IFT88: variants seen among roughly 807,000 people sequenced by gnomAD.
IFT88 encodes intraflagellar transport protein 88 homolog.
In IFT88, 74 loss-of-function variants were observed where a neutral mutation model predicts 119.5. That is an observed-to-expected ratio of 0.62 (90% CI 0.51 to 0.75). IFT88 has a LOEUF of 0.75. Ranked by LOEUF, IFT88 falls within the 30% of genes least tolerant of loss-of-function variation. The pLI, the probability that IFT88 is intolerant of heterozygous loss-of-function variation, is 0.00. For missense variants in IFT88, 961 were observed against 977.7 expected, an observed-to-expected ratio of 0.98 and a Z score of 0.23; for synonymous variants, 279 against 316.7, an observed-to-expected ratio of 0.88 and a Z score of 1.26.
chr13:20,615,911 T>A (rs757840209), intron 14 of IFT88, 32 bp downstream of exon 14: 69 of 1,264,516 alleles, frequency 5.5e-5, no homozygotes, highest in Non-Finnish European at 7.2e-5. Flanking sequence ...ACTGCATAGA[T>A]GTGGTTTTTT....
intron 1 of IFT88, chr13:20,567,852 T>A (rs2035213806): frequency 1.9e-6 from 2 of 1,054,402 alleles, no homozygotes; most frequent in South Asian, 1.9e-5. Flanking sequence ...TTTCTGGTTG[T>A]GAGTTTTTTT....
At chr13:20,604,670 C>T (rs553148643) in intron 12 of IFT88, among the ~76,000 whole-genome samples, 1 of 152,300 alleles carries the variant, frequency 6.6e-6, no homozygotes, top group Admixed American at 6.5e-5. Context: ...AATTCAAGTT[C>T]GTGGCTGGAC....
At chr13:20,580,087 T>A (rs1464708982) in intron 2 of IFT88, among the ~76,000 whole-genome samples, 1 of 152,268 alleles carries the variant, frequency 6.6e-6, no homozygotes, top group Non-Finnish European at 1.5e-5. Context: ...TCTTTTAGTA[T>A]GTTTGGAATT....
At chr13:20,623,001 C>T (rs2046770887) in intron 14 of IFT88, among the ~76,000 whole-genome samples, 1 of 152,100 alleles carries the variant, frequency 6.6e-6, no homozygotes, top group African/African-American at 2.4e-5. Flanking sequence ...AATTTTTGTA[C>T]ATAGTGTTAG....
At chr13:20,569,881 A>C (rs1444227834) in intron 1 of IFT88, among the ~76,000 whole-genome samples, 1 of 151,096 alleles carries the variant, frequency 6.6e-6, no homozygotes, top group African/African-American at 2.4e-5. Context: ...AAAAATAAAA[A>C]TAAAAATAAA....
intron 16 of IFT88, among the ~76,000 whole-genome samples, chr13:20,636,569 C>T (rs557118747): frequency 9.8e-4 from 150 of 152,346 alleles, no homozygotes; most frequent in African/African-American, 3.4e-3. Context: ...TCCTATCCTC[C>T]ATCCCACTCT....
chr13:20,675,162 TGAG>T (rs1403037104), intron 24 of IFT88, among the ~76,000 whole-genome samples: 1 of 152,002 alleles, frequency 6.6e-6, no homozygotes, highest in Admixed American at 6.6e-5. Flanking sequence ...GTGTACGCTC[TGAG>T]GAGGTGCATA....
At chr13:20,572,646 C>T (rs2036602809) in intron 1 of IFT88, among the ~76,000 whole-genome samples, 1 of 152,150 alleles carries the variant, frequency 6.6e-6, no homozygotes, top group Non-Finnish European at 1.5e-5. Flanking sequence ...GTAAAATTTA[C>T]AAAGCAGAAA....
intron 6 of IFT88, among the ~76,000 whole-genome samples, 200 bp downstream of exon 6, chr13:20,591,881 A>G (rs575225110): frequency 6.6e-6 from 1 of 152,346 alleles, no homozygotes; most frequent in South Asian, 2.1e-4. Context: ...TAATTAAACC[A>G]TGGTGTAATT....
chr13:20,687,856 A>G (rs1190765871), intron 24 of IFT88, among the ~76,000 whole-genome samples: 3 of 152,094 alleles, frequency 2.0e-5, no homozygotes, highest in Non-Finnish European at 4.4e-5. Flanking sequence ...TTTAAATCCA[A>G]TGTGCAGGAG....
chr13:20,628,596 A>G (rs1287173565), intron 15 of IFT88, among the ~76,000 whole-genome samples: 13 of 152,228 alleles, frequency 8.5e-5, no homozygotes, highest in Admixed American at 5.2e-4. Context: ...ACATGTAGAG[A>G]ACAGTTATGA....
chr13:20,641,080 G>A (rs910206435), intron 17 of IFT88, among the ~76,000 whole-genome samples: 9 of 152,162 alleles, frequency 5.9e-5, no homozygotes, highest in African/African-American at 1.4e-4. Flanking sequence ...CTGGGAGGTC[G>A]AGGCTGCTGT....
At chr13:20,569,715 TC>T (rs2035863111) in intron 1 of IFT88, among the ~76,000 whole-genome samples, 1 of 151,508 alleles carries the variant, frequency 6.6e-6, no homozygotes, top group Admixed American at 6.6e-5. Context: ...TCCTTATAAT[TC>T]ATGTGATAAC....
intron 16 of IFT88, among the ~76,000 whole-genome samples, chr13:20,636,177 CAG>C (rs1234775760): frequency 6.6e-6 from 1 of 152,146 alleles, no homozygotes; most frequent in African/African-American, 2.4e-5. Context: ...TGCTATGGAA[CAG>C]AGCCTTGAAG....
At position 20,663,547 on chromosome 13, in the gene IFT88, T is replaced by C. The variant is rs749226004; in HGVS notation, c.2118T>C (p.Ala706=). The C allele has an allele frequency of 1.9e-6, 3 of 1,613,830 alleles. No individual in the cohort carries two copies. Among genetic ancestry groups the C allele is most frequent in the South Asian group, 2.2e-5 (2 of 91,084 alleles). ...GCACAGATCTTGGATTAAAAGATGC[T>C]CAAGAATATGCCAGAAAACTGAAGA... ...RLCTDLGLKD[A]QEYARKLKRL... is the part of the protein sequence containing the mutation. The change falls in exon 23 of 26, where the codon GCT becomes GCC. Residue 706 remains alanine, a synonymous_variant. Transcript: ENST00000351808.
At chr13:20,618,957 C>T (rs150194721) in intron 14 of IFT88, among the ~76,000 whole-genome samples, 17 of 151,398 alleles carry the variant, frequency 1.1e-4, no homozygotes, top group Middle Eastern at 3.4e-3. Context: ...CCTGAGTCCA[C>T]GCTATTCTCC....
intron 23 of IFT88, among the ~76,000 whole-genome samples, chr13:20,667,546 A>G (rs2054926629): frequency 6.6e-6 from 1 of 152,080 alleles, no homozygotes; most frequent in Admixed American, 6.5e-5. Flanking sequence ...ATTGCCTCTA[A>G]TAAATTTTTA....
At chr13:20,589,501 G>A (rs915733361) in intron 3 of IFT88, among the ~76,000 whole-genome samples, 12 of 152,146 alleles carry the variant, frequency 7.9e-5, no homozygotes, top group African/African-American at 2.7e-4. Flanking sequence ...CTAGTGGCTA[G>A]CAGTAATAAT....
chr13:20,641,661 T>C (rs2049979511), intron 18 of IFT88: 1 of 303,402 alleles, frequency 3.3e-6, no homozygotes, highest in Non-Finnish European at 6.2e-6. Context: ...TTAGGACATT[T>C]TCGGTACATA....
Sources: gnomAD v4.1 joint callset for allele counts (sites outside exome capture counted in the v4.1 genomes callset) on GRCh38, gnomAD v4.1.1 for gene constraint, MANE v1.5 for transcripts, NCBI Gene and HGNC (gene_info 2026-07-23, HGNC 2026-07-21) for gene names.